Variants in WWTR1 observed in about 807,000 individuals in gnomAD.
WWTR1 encodes WW domain-containing transcription regulator protein 1.
In WWTR1, 13 loss-of-function variants were observed where a neutral mutation model predicts 40.1. The ratio of observed to expected loss-of-function variants is 0.32; its 90% CI spans 0.21 to 0.52. The LOEUF (loss-of-function observed/expected upper bound fraction) is 0.52, where lower values mean the gene tolerates loss of function less well. Ranked by LOEUF, WWTR1 falls within the 20% of genes least tolerant of loss-of-function variation. The pLI is 0.97. For synonymous variants in WWTR1, 230 were observed against 210.1 expected (o/e 1.09, Z -0.82); for missense variants, 436 against 523.1 (o/e 0.83, Z 1.63).
Position 149,690,516 on chromosome 3 carries a change from A to G in WWTR1, c.-108+12608T>C, listed in dbSNP as rs572142098. Among the ~76,000 whole-genome samples the G allele has an allele frequency of 1.1e-4, 16 of 152,330 alleles. No individual in the cohort carries two copies. In the East Asian group the frequency reaches 2.9e-3, roughly 27 times the overall value. On this transcript the variant is annotated intron_variant, in intron 1 of 7. Transcript: ENST00000465804. ...AGTCAAAAACTATAAAAATAGGCAA[A>G]GAAGGTCATTATATAATGATAAAGG...
At chr3:149,686,835 A>AT (rs1304255570) in intron 1 of WWTR1, among the ~76,000 whole-genome samples, 2 of 152,088 alleles carry the variant, frequency 1.3e-5, no homozygotes, top group Non-Finnish European at 2.9e-5. Context: ...CTCTTCTCTC[A>AT]TTGCTATCCA....
At chr3:149,622,481 G>GAAA (rs1740328874) in intron 2 of WWTR1, among the ~76,000 whole-genome samples, 1 of 123,540 alleles carries the variant, frequency 8.1e-6, no homozygotes, top group African/African-American at 3.1e-5. Context: ...AAGGAAGGAA[G>GAAA]GAAGGAAGGA....
chr3:149,641,348 A>C (rs903825939), intron 2 of WWTR1, among the ~76,000 whole-genome samples: 1 of 152,150 alleles, frequency 6.6e-6, no homozygotes, highest in African/African-American at 2.4e-5. Flanking sequence ...AGTCCTCAGA[A>C]GGGCCTTTCG....
intron 1 of WWTR1, among the ~76,000 whole-genome samples, chr3:149,701,115 G>A (rs1290511085): frequency 1.3e-5 from 2 of 151,948 alleles, no homozygotes; most frequent in Non-Finnish European, 2.9e-5. Context: ...CTTCTCCCCT[G>A]TCCTGATTTT....
chr3:149,617,293 AGTGTG>A (rs1740021345), intron 2 of WWTR1, among the ~76,000 whole-genome samples: 1 of 152,140 alleles, frequency 6.6e-6, no homozygotes, highest in African/African-American at 2.4e-5. Context: ...GGATTGGAGC[AGTGTG>A]CAATCCGTCT....
chr3:149,623,761 G>GCA (rs1223802103), intron 2 of WWTR1, among the ~76,000 whole-genome samples: 1 of 152,084 alleles, frequency 6.6e-6, no homozygotes, highest in Non-Finnish European at 1.5e-5. Flanking sequence ...ATCCTGATAA[G>GCA]CAAACTAGAG....
intron 1 of WWTR1, among the ~76,000 whole-genome samples, chr3:149,698,856 G>A (rs1002925966): frequency 2.6e-5 from 4 of 152,224 alleles, no homozygotes; most frequent in Admixed American, 6.5e-5. Flanking sequence ...AGGATGTGGG[G>A]AGCAGTGTTC....
exon 5 of WWTR1, chr3:149,717,479 G>T (rs1715641869): frequency 6.6e-6 from 1 of 152,178 alleles, no homozygotes; most frequent in South Asian, 2.1e-4. Context: ...CACACCATCA[G>T]GAAAGCCACT....
At chr3:149,639,981 G>A (rs1383485962) in intron 2 of WWTR1, among the ~76,000 whole-genome samples, 14 of 119,834 alleles carry the variant, frequency 1.2e-4, no homozygotes, top group East Asian at 7.3e-4. Context: ...GCTACACAGC[G>A]AGACTCCGTC....
rs1187328960 is a variant in WWTR1, at chr3:149,608,789, C to T, written c.432-35789G>A. 3.3e-5 allele frequency among the ~76,000 whole-genome samples: 5 copies of T among 152,048 alleles called. No homozygotes were observed. The East Asian group carries it at 9.7e-4, about 29-fold the overall frequency. Reference sequence around the variant, plus strand: ...ACGTTAAGATCAGTCAAGTGGCTCACGCGCTATAATCTCAGCACTTTGGGA... The same window carrying T: ...ACGTTAAGATCAGTCAAGTGGCTCATGCGCTATAATCTCAGCACTTTGGGA... On this transcript the variant is annotated intron_variant, in intron 2 of 6. Transcript: ENST00000360632.
chr3:149,530,950 T>C (rs1413189175), intron 4 of WWTR1, among the ~76,000 whole-genome samples: 1 of 152,142 alleles, frequency 6.6e-6, no homozygotes, highest in Non-Finnish European at 1.5e-5. Flanking sequence ...TTTTTTTTTT[T>C]TTGAGATGGA....
chr3:149,674,378 G>A (rs368723852), intron 1 of WWTR1, among the ~76,000 whole-genome samples: 18 of 151,874 alleles, frequency 1.2e-4, no homozygotes, highest in South Asian at 2.1e-4. Context: ...CACGAGGTCC[G>A]GAGTTCGAGA....
intron 2 of WWTR1, among the ~76,000 whole-genome samples, chr3:149,655,650 G>A (rs1316671481): frequency 1.3e-5 from 2 of 152,124 alleles, no homozygotes; most frequent in Non-Finnish European, 2.9e-5. Flanking sequence ...AACAACAAAA[G>A]AACTCCTTGG....
intron 4 of WWTR1, among the ~76,000 whole-genome samples, chr3:149,720,742 A>G (rs1325038731): frequency 6.6e-6 from 1 of 152,094 alleles, no homozygotes. Context: ...AAGTCTTCCA[A>G]TCCGTGAACA....
At chr3:149,565,129 G>A (rs1371593528) in intron 3 of WWTR1, among the ~76,000 whole-genome samples, 1 of 151,842 alleles carries the variant, frequency 6.6e-6, no homozygotes, top group Non-Finnish European at 1.5e-5. Context: ...AGAGGTTGCA[G>A]TGAGCCGAGA....
intron 2 of WWTR1, among the ~76,000 whole-genome samples, chr3:149,626,225 C>T (rs958685151): frequency 6.6e-5 from 10 of 152,182 alleles, no homozygotes; most frequent in Admixed American, 5.2e-4. Context: ...TAAGTTAATC[C>T]CACTCTGTCA....
At chr3:149,704,549 TCTC>T (rs1415193663), upstream of WWTR1, among the ~76,000 whole-genome samples, 2 of 152,150 alleles carry the variant, frequency 1.3e-5, no homozygotes, top group Non-Finnish European at 2.9e-5. Flanking sequence ...GAAGCACTAT[TCTC>T]AGTCCAAATT....
At chr3:149,553,685 A>G (rs1326923489) in intron 3 of WWTR1, among the ~76,000 whole-genome samples, 1 of 152,228 alleles carries the variant, frequency 6.6e-6, no homozygotes, top group Non-Finnish European at 1.5e-5. Context: ...CAAAACATAC[A>G]GGTGTAAATC....
intron 3 of WWTR1, among the ~76,000 whole-genome samples, chr3:149,545,646 C>T (rs887765035): frequency 2.6e-5 from 4 of 152,070 alleles, no homozygotes; most frequent in East Asian, 3.9e-4. Flanking sequence ...CTTAGCCTCC[C>T]GAGTAGCTAG....
Sources: gnomAD v4.1 joint callset for allele counts (sites outside exome capture counted in the v4.1 genomes callset) on GRCh38, gnomAD v4.1.1 for gene constraint, MANE v1.5 for transcripts, NCBI Gene and HGNC (gene_info 2026-07-23, HGNC 2026-07-21) for gene names.